TNRC6A: variants seen among roughly 807,000 people sequenced by gnomAD.
TNRC6A encodes the protein trinucleotide repeat containing adaptor 6A, also known as trinucleotide repeat-containing gene 6A protein.
Under a neutral mutation model 221.2 loss-of-function variants are expected in TNRC6A, and 44 were observed. The ratio of observed to expected loss-of-function variants is 0.20; its 90% CI spans 0.16 to 0.26. The LOEUF (loss-of-function observed/expected upper bound fraction) is 0.26. Among genes scored for constraint, TNRC6A ranks in the 10% least tolerant of loss-of-function variants. TNRC6A has a pLI of 1.00. For synonymous variants in TNRC6A, 847 were observed against 838.5 expected, an observed-to-expected ratio of 1.01 and a Z score of -0.18; for missense variants, 2,199 against 2,404.4, an observed-to-expected ratio of 0.91 and a Z score of 1.79.
chr16:24,686,955 C>T (rs1248998653), intron 2 of TNRC6A, among the ~76,000 whole-genome samples: 3 of 152,184 alleles, frequency 2.0e-5, no homozygotes, highest in South Asian at 4.1e-4. Context: ...CAGATTTCAG[C>T]TCTACCACTT....
At chr16:24,639,942 C>A (rs780053596) in intron 1 of TNRC6A, among the ~76,000 whole-genome samples, 1 of 152,180 alleles carries the variant, frequency 6.6e-6, no homozygotes, top group African/African-American at 2.4e-5. Flanking sequence ...CATGCATAAG[C>A]CATGGCACTT....
intron 2 of TNRC6A, among the ~76,000 whole-genome samples, chr16:24,711,462 T>C (rs2056204805): frequency 2.0e-5 from 3 of 152,158 alleles, no homozygotes; most frequent in Non-Finnish European, 2.9e-5. Context: ...TCCTCCGTTT[T>C]TGTAATCTTT....
At chr16:24,703,866 C>A (rs1003205258) in intron 2 of TNRC6A, among the ~76,000 whole-genome samples, 2 of 151,830 alleles carry the variant, frequency 1.3e-5, no homozygotes, top group African/African-American at 4.8e-5. Context: ...GACAGATCAC[C>A]TGAGGTCAGG....
chr16:24,814,436 G>T (rs1307048287), intron 18 of TNRC6A, among the ~76,000 whole-genome samples: 1 of 117,498 alleles, frequency 8.5e-6, no homozygotes, highest in Non-Finnish European at 1.6e-5. Context: ...TGGAGACGGA[G>T]TCTTGCCCTC....
At chr16:24,669,941 C>CTTTTTTTTTTTTTT (rs535737725) in intron 2 of TNRC6A, among the ~76,000 whole-genome samples, 434 of 27,176 alleles carry the variant, frequency 0.016, 148 homozygotes, top group East Asian at 0.084. Context: ...GAGGCAGCTA[C>CTTTTTTTTTTTTTT]TTTTTTTTTT....
chr16:24,730,496 TAAA>T (rs371676645), intron 2 of TNRC6A, among the ~76,000 whole-genome samples, 196 bp downstream of exon 2: 9 of 135,178 alleles, frequency 6.7e-5, no homozygotes, highest in Admixed American at 3.0e-4. Context: ...TTTCTTTCTT[TAAA>T]AAAAAAAAAA....
chr16:24,710,703 T>G (rs1421150298), intron 2 of TNRC6A, among the ~76,000 whole-genome samples: 4 of 152,052 alleles, frequency 2.6e-5, no homozygotes, highest in Non-Finnish European at 5.9e-5. Context: ...ATTACTTAAA[T>G]ATTATTTTTG....
At chr16:24,631,834 A>C in intron 1 of TNRC6A, among the ~76,000 whole-genome samples, 1 of 150,390 alleles carries the variant, frequency 6.6e-6, no homozygotes, top group South Asian at 2.1e-4. Flanking sequence ...TCAGACTTGG[A>C]CTCCACTTAA....
At chr16:24,695,350 T>G (rs1162174335) in intron 2 of TNRC6A, among the ~76,000 whole-genome samples, 1 of 152,150 alleles carries the variant, frequency 6.6e-6, no homozygotes, top group Non-Finnish European at 1.5e-5. Flanking sequence ...AGAAGCCCAG[T>G]GCATAAAAGC....
At chr16:24,668,241 T>C (rs1407713902) in intron 2 of TNRC6A, among the ~76,000 whole-genome samples, 1 of 151,594 alleles carries the variant, frequency 6.6e-6, no homozygotes, top group African/African-American at 2.4e-5. Flanking sequence ...GGCAGGAGAA[T>C]TGATTGAACC....
At chr16:24,649,704 A>G (rs1201245746) in intron 2 of TNRC6A, among the ~76,000 whole-genome samples, 2 of 151,718 alleles carry the variant, frequency 1.3e-5, no homozygotes, top group Admixed American at 6.6e-5. Flanking sequence ...CATACTCACC[A>G]TGTTGTACAA....
intron 2 of TNRC6A, among the ~76,000 whole-genome samples, chr16:24,655,202 C>T (rs771179381): frequency 1.3e-5 from 2 of 152,092 alleles, no homozygotes; most frequent in Non-Finnish European, 2.9e-5. Flanking sequence ...AGTGATCGTG[C>T]CACTGCACTC....
intron 4 of TNRC6A, among the ~76,000 whole-genome samples, chr16:24,764,083 A>T (rs529006683): frequency 1.9e-4 from 29 of 151,986 alleles, no homozygotes; most frequent in African/African-American, 5.8e-4. Context: ...GCAACTTTGT[A>T]CCCTTTGACC....
Position 24,807,278 on chromosome 16 carries a change from T to TA in TNRC6A, c.4540+495dup, listed in dbSNP as rs1327891871. 2.0e-5 allele frequency among the ~76,000 whole-genome samples: 3 copies of TA among 152,362 alleles called. No homozygotes were observed. In the East Asian group the frequency reaches 5.8e-4, roughly 29 times the overall value. On this transcript the variant is annotated intron_variant, in intron 17 of 24. Coordinates refer to ENST00000395799, the MANE Select transcript of TNRC6A (RefSeq NM_014494.4). ...CCTTGGCCTCCCAAAGTGTTGGGAT[T>TA]ACAGGCATGAGCCACCATGCCCAGC...
chr16:24,615,797 A>G (rs922027624), intron 1 of TNRC6A, among the ~76,000 whole-genome samples: 1 of 151,784 alleles, frequency 6.6e-6, no homozygotes, highest in African/African-American at 2.4e-5. Flanking sequence ...AAGCTGAGGT[A>G]AGAGGATCCC....
chr16:24,781,391 A>AT (rs1303577155), intron 5 of TNRC6A, among the ~76,000 whole-genome samples: 1 of 151,728 alleles, frequency 6.6e-6, no homozygotes, highest in African/African-American at 2.4e-5. Context: ...CTATTACAGA[A>AT]TTTCTCCCTC....
intron 2 of TNRC6A, among the ~76,000 whole-genome samples, chr16:24,714,016 T>C (rs771432289): frequency 2.2e-4 from 34 of 152,330 alleles, no homozygotes; most frequent in South Asian, 1.7e-3. Context: ...TGTGTGGGTA[T>C]GTGTGTGTCT....
At chr16:24,781,651 A>T in intron 5 of TNRC6A, among the ~76,000 whole-genome samples, 1 of 151,926 alleles carries the variant, frequency 6.6e-6, no homozygotes, top group South Asian at 2.1e-4. Flanking sequence ...GTATGTCCAA[A>T]CTTGAACTCT....
At chr16:24,787,639 T>G (rs984484851) in intron 5 of TNRC6A, among the ~76,000 whole-genome samples, 3 of 152,190 alleles carry the variant, frequency 2.0e-5, no homozygotes, top group Non-Finnish European at 2.9e-5. Context: ...TAGGAATCAT[T>G]AAAGAAATGA....
Sources: gnomAD v4.1 joint callset for allele counts (sites outside exome capture counted in the v4.1 genomes callset) on GRCh38, gnomAD v4.1.1 for gene constraint, MANE v1.5 for transcripts, NCBI Gene and HGNC (gene_info 2026-07-23, HGNC 2026-07-21) for gene names.